The following UNC5D variants were observed in gnomAD, a reference collection of about 807,000 sequenced individuals.
UNC5D encodes netrin receptor UNC5D.
In UNC5D, 39 loss-of-function variants were observed where a neutral mutation model predicts 105.4. That is an observed-to-expected ratio of 0.37 (90% CI 0.29 to 0.48). The LOEUF is 0.48. Ranked by LOEUF, UNC5D falls within the 20% of genes least tolerant of loss-of-function variation. The pLI is 0.98. For synonymous variants in UNC5D, 452 were observed against 450.4 expected (o/e 1.00, Z -0.04); for missense variants, 991 against 1,202.4 (o/e 0.82, Z 2.60).
At chr8:35,544,105 G>A (rs973697039) in intron 1 of UNC5D, among the ~76,000 whole-genome samples, 7 of 152,182 alleles carry the variant, frequency 4.6e-5, no homozygotes, top group Admixed American at 3.9e-4. Context: ...CAGATGCACA[G>A]TGACACCCAC....
chr8:35,506,478 G>A (rs1159073921), intron 1 of UNC5D, among the ~76,000 whole-genome samples: 3 of 152,154 alleles, frequency 2.0e-5, no homozygotes, highest in Non-Finnish European at 2.9e-5. Flanking sequence ...TTAAAAGGAG[G>A]AAGAAATTCA....
chr8:35,513,875 G>T (rs1812941481), intron 1 of UNC5D, among the ~76,000 whole-genome samples: 1 of 152,186 alleles, frequency 6.6e-6, no homozygotes, highest in Non-Finnish European at 1.5e-5. Flanking sequence ...ACCAAATGAT[G>T]CAGTAAACTG....
At chr8:35,506,214 C>T (rs1812295969) in intron 1 of UNC5D, among the ~76,000 whole-genome samples, 1 of 152,170 alleles carries the variant, frequency 6.6e-6, no homozygotes, top group South Asian at 2.1e-4. Flanking sequence ...TGGCTTCACT[C>T]ATGGAGGCAA....
intron 1 of UNC5D, among the ~76,000 whole-genome samples, chr8:35,471,807 G>A (rs1695269948): frequency 6.6e-6 from 1 of 152,204 alleles, no homozygotes; most frequent in Non-Finnish European, 1.5e-5. Flanking sequence ...ATTATAGAAT[G>A]TGATGTTTGG....
intron 1 of UNC5D, among the ~76,000 whole-genome samples, chr8:35,306,619 T>G (rs1808440234): frequency 6.6e-6 from 1 of 152,180 alleles, no homozygotes; most frequent in Non-Finnish European, 1.5e-5. Flanking sequence ...AACCAGTTCA[T>G]GTATTAGCTA....
chr8:35,316,056 G>A (rs757933915), intron 1 of UNC5D, among the ~76,000 whole-genome samples: 2 of 152,130 alleles, frequency 1.3e-5, no homozygotes, highest in Non-Finnish European at 2.9e-5. Flanking sequence ...AGGGAGGCAC[G>A]ATTGGAAATA....
chr8:35,526,118 A>G (rs564624831), intron 1 of UNC5D, among the ~76,000 whole-genome samples: 47 of 152,326 alleles, frequency 3.1e-4, no homozygotes, highest in South Asian at 1.0e-3. Context: ...GTTTAAGTCT[A>G]TGGTTACCAA....
intron 11 of UNC5D, among the ~76,000 whole-genome samples, chr8:35,736,657 G>A (rs1391864586): frequency 2.0e-5 from 3 of 152,188 alleles, no homozygotes; most frequent in African/African-American, 7.2e-5. Flanking sequence ...GATGAACCCC[G>A]TTTAAAGGCT....
intron 1 of UNC5D, among the ~76,000 whole-genome samples, chr8:35,547,455 T>G (rs1815777398): frequency 6.6e-6 from 1 of 152,050 alleles, no homozygotes; most frequent in Non-Finnish European, 1.5e-5. Context: ...CGTGCCACCA[T>G]GCCTGGATAC....
intron 1 of UNC5D, among the ~76,000 whole-genome samples, chr8:35,248,792 T>A (rs1803415905): frequency 1.0e-5 from 1 of 98,892 alleles, no homozygotes; most frequent in African/African-American, 4.2e-5. Context: ...TAAAATATAA[T>A]ATATAAAAAT....
intron 1 of UNC5D, among the ~76,000 whole-genome samples, chr8:35,431,630 A>T (rs1806642628): frequency 6.6e-6 from 1 of 152,032 alleles, no homozygotes; most frequent in African/African-American, 2.4e-5. Context: ...GCTTGAAAAT[A>T]ACACCTGAAC....
intron 1 of UNC5D, among the ~76,000 whole-genome samples, chr8:35,513,349 A>G (rs966813265): frequency 6.7e-6 from 1 of 148,200 alleles, no homozygotes; most frequent in African/African-American, 2.5e-5. Context: ...CTGCCTCAGC[A>G]TCCCAAGTAG....
intron 8 of UNC5D, among the ~76,000 whole-genome samples, chr8:35,712,325 G>A (rs1414755685): frequency 2.0e-5 from 3 of 152,148 alleles, no homozygotes; most frequent in Non-Finnish European, 2.9e-5. Flanking sequence ...ATTCATTCAT[G>A]TAGAAGACAT....
intron 2 of UNC5D, among the ~76,000 whole-genome samples, chr8:35,564,831 T>C (rs939880555): frequency 6.6e-6 from 1 of 152,154 alleles, no homozygotes; most frequent in African/African-American, 2.4e-5. Flanking sequence ...CCCAATTATA[T>C]GTGAAAACAT....
chr8:35,677,929 T>A (rs1825374343), intron 4 of UNC5D, among the ~76,000 whole-genome samples: 1 of 151,766 alleles, frequency 6.6e-6, no homozygotes, highest in Non-Finnish European at 1.5e-5. Flanking sequence ...TATGTATATG[T>A]GTGTATATAT....
At chr8:35,247,063 C>A (rs927489435) in intron 1 of UNC5D, among the ~76,000 whole-genome samples, 7 of 151,988 alleles carry the variant, frequency 4.6e-5, no homozygotes, top group African/African-American at 1.7e-4. Flanking sequence ...TCCGTCCCTG[C>A]CCATGAATCC....
At chr8:35,652,076 G>A (rs1181874019) in intron 4 of UNC5D, among the ~76,000 whole-genome samples, 1 of 152,136 alleles carries the variant, frequency 6.6e-6, no homozygotes, top group South Asian at 2.1e-4. Flanking sequence ...GCCATGCCAA[G>A]TTGCTCTTAT....
At chr8:35,496,591 G>A (rs992354016) in intron 1 of UNC5D, among the ~76,000 whole-genome samples, 1 of 152,118 alleles carries the variant, frequency 6.6e-6, no homozygotes, top group Non-Finnish European at 1.5e-5. Context: ...AGGGAGTCAC[G>A]CGTCACTCCT....
intron 1 of UNC5D, among the ~76,000 whole-genome samples, chr8:35,510,172 C>G (rs1484861752): frequency 6.6e-6 from 1 of 152,036 alleles, no homozygotes; most frequent in Non-Finnish European, 1.5e-5. Flanking sequence ...CCTCTCTCCT[C>G]CCCCTTACCT....
Sources: gnomAD v4.1 joint callset for allele counts (sites outside exome capture counted in the v4.1 genomes callset) on GRCh38, gnomAD v4.1.1 for gene constraint, MANE v1.5 for transcripts, NCBI Gene and HGNC (gene_info 2026-07-23, HGNC 2026-07-21) for gene names.